Variants in PNO1 observed in about 807,000 individuals in gnomAD.
PNO1 encodes the protein RNA-binding protein PNO1.
A neutral mutation model predicts 28.4 loss-of-function variants in PNO1; 16 were observed. The observed-to-expected ratio is 0.56, with a 90% CI of 0.38 to 0.85. PNO1 has a LOEUF of 0.85. Among genes scored for constraint, PNO1 ranks in the 40% least tolerant of loss-of-function variants. PNO1 has a pLI of 0.00. For synonymous variants in PNO1, 115 were observed against 110.8 expected (o/e 1.04, Z -0.24); for missense variants, 304 against 312.2 (o/e 0.97, Z 0.20).
At chr2:68,168,792 G>A (rs1277350912) in intron 5 of PNO1, among the ~76,000 whole-genome samples, 2 of 152,024 alleles carry the variant, frequency 1.3e-5, no homozygotes, top group Non-Finnish European at 2.9e-5. Context: ...TAGCTGCAGT[G>A]ACAGCTTCAT....
At chr2:68,162,124 G>A (rs752447288) in intron 3 of PNO1, 141 bp from the exon 4 acceptor site, 41 of 628,508 alleles carry the variant, frequency 6.5e-5, no homozygotes, top group Admixed American at 1.9e-4. Context: ...GGGCGACAGC[G>A]TAAGACTCTG....
chr2:68,165,784 A>C lies in PNO1; in HGVS notation c.620+3121A>C, dbSNP rs112806251. Among the ~76,000 whole-genome samples the C allele has an allele frequency of 5.3e-4, 80 of 152,066 alleles. 1 individual carries two copies. Among genetic ancestry groups the C allele is most frequent in the African/African-American group, 1.8e-3 (74 of 41,308 alleles). ...TGGTAAATTTATAAGTATATTTGTA[A>C]GTGTTAACCTAAAATTTACTAGTTA... On this transcript the variant is annotated intron_variant, in intron 5 of 6. Transcript: ENST00000263657.
chr2:68,165,216 T>G (rs1199134070), intron 5 of PNO1, among the ~76,000 whole-genome samples: 7 of 151,182 alleles, frequency 4.6e-5, no homozygotes, highest in Non-Finnish European at 1.0e-4. Flanking sequence ...TACAAAAAAT[T>G]AGCCGGGCGT....
chr2:68,166,966 T>C (rs1447809105), intron 5 of PNO1, among the ~76,000 whole-genome samples: 1 of 152,172 alleles, frequency 6.6e-6, no homozygotes, highest in Non-Finnish European at 1.5e-5. Context: ...ACAGTCTCTT[T>C]CATGATTTCT....
Position 68,168,141 on chromosome 2 carries a change from T to C in PNO1, c.621-5206T>C, listed in dbSNP as rs77281654. On this transcript the variant is annotated intron_variant, in intron 5 of 6. Coordinates refer to ENST00000263657, the MANE Select transcript of PNO1 (RefSeq NM_020143.4). ...AGGAGGAAAGGATGAGACAGGAATT[T>C]ATGCTGAATGCGTTGGCCAAGTATA... Among the ~76,000 whole-genome samples, 896 of 152,338 alleles carry C rather than the reference T, an allele frequency of 5.9e-3. 5 individuals are homozygous for C. Among genetic ancestry groups the C allele is most frequent in the African/African-American group, 0.02 (840 of 41,576 alleles).
intron 5 of PNO1, among the ~76,000 whole-genome samples, chr2:68,167,588 T>C (rs1425388934): frequency 6.6e-6 from 1 of 152,208 alleles, no homozygotes; most frequent in Non-Finnish European, 1.5e-5. Flanking sequence ...TAAATCCTGG[T>C]GTTTGCTTCT....
chr2:68,171,285 T>G (rs1674125780), intron 5 of PNO1, among the ~76,000 whole-genome samples: 1 of 152,236 alleles, frequency 6.6e-6, no homozygotes, highest in African/African-American at 2.4e-5. Flanking sequence ...GAGAAATCTC[T>G]CCTGGAGATG....
At chr2:68,174,664 C>A in intron 6 of PNO1, 71 bp from the exon 7 acceptor site, 1 of 995,142 alleles carries the variant, frequency 1.0e-6, no homozygotes, top group Non-Finnish European at 1.6e-6. Context: ...CTTCCTTAGA[C>A]ACTGAGGGAC....
intron 5 of PNO1, among the ~76,000 whole-genome samples, chr2:68,165,014 T>C (rs1673937354): frequency 7.5e-6 from 1 of 132,682 alleles, no homozygotes; most frequent in Non-Finnish European, 1.6e-5. Flanking sequence ...AAAAAAAATC[T>C]TCGGTTAAAT....
chr2:68,161,590 C>A, intron 2 of PNO1, 93 bp from the exon 3 acceptor site: 1 of 804,490 alleles, frequency 1.2e-6, no homozygotes. Flanking sequence ...AGGAAATTCT[C>A]CAATAATGGG....
At chr2:68,168,697 G>A (rs1424921807) in intron 5 of PNO1, among the ~76,000 whole-genome samples, 1 of 152,130 alleles carries the variant, frequency 6.6e-6, no homozygotes, top group African/African-American at 2.4e-5. Flanking sequence ...GTTCTGTCTT[G>A]CCTGGGCGCC....
rs1673962272 is a variant in PNO1, at chr2:68,165,388, A to AC, written c.620+2725_620+2726insC. Among the ~76,000 whole-genome samples the AC allele has an allele frequency of 7.2e-5, 10 of 139,804 alleles. 1 individual carries two copies. The highest frequency in any genetic ancestry group is 2.6e-4 in the African/African-American group (9 of 34,590). 91.7% of individuals were successfully genotyped at this position (139,804 alleles called of 152,430 possible). Reference sequence around the variant, plus strand: ...CAAAAAAAAAAAAAAAACAACAAAAAAAAAAAAACTAGCTGGGTGTGGTGG... The same window carrying AC: ...CAAAAAAAAAAAAAAAACAACAAAAACAAAAAAAACTAGCTGGGTGTGGTGG... On this transcript the variant is annotated intron_variant, in intron 5 of 6. Transcript: ENST00000263657.
rs142073378 is a variant in PNO1 at position 68,161,688 on chromosome 2, T to C, written c.363T>C (p.Cys121=). Residue 121 remains cysteine (C), a synonymous_variant, in exon 3 of 7, where the codon TGT becomes TGC. Coordinates refer to ENST00000263657, the MANE Select transcript of PNO1 (RefSeq NM_020143.4). ...LKSRNVEIRT[C]KETKDVSALT... is the part of the protein sequence containing the mutation. ...CCTTTTTTGTTTTTTAACAGACTTG[T>C]AAAGAAACCAAGGATGTTAGTGCTC... The C allele has an allele frequency of 3.7e-6, 6 of 1,606,820 alleles. No individual in the cohort carries two copies. The highest frequency in any genetic ancestry group is 2.6e-6 in the Non-Finnish European group (3 of 1,173,964).
At chr2:68,160,826 C>T (rs1056511142) in intron 2 of PNO1, among the ~76,000 whole-genome samples, 2 of 152,186 alleles carry the variant, frequency 1.3e-5, no homozygotes, top group East Asian at 3.9e-4. Context: ...AGGATTGGAA[C>T]TAGGGTCTAG....
At chr2:68,173,576 A>ATTTTTTTTTTTTTTTTTTTTTTTTTT (rs34874863) in intron 6 of PNO1, among the ~76,000 whole-genome samples, 159 bp downstream of exon 6, 1 of 111,402 alleles carries the variant, frequency 9.0e-6, no homozygotes. Context: ...AGGAAGTAGA[A>ATTTTTTTTTTTTTTTTTTTTTTTTTT]TTTTTTTTTT....
rs538601059 is a variant in PNO1 at position 68,170,387 on chromosome 2, T to C, written c.621-2960T>C. On this transcript the variant is annotated intron_variant, in intron 5 of 6. Transcript: ENST00000263657. ...CTCCCATCTGTTCTTGTTGTCTTTA[T>C]TTCCTCATCTGTCATGCTCTGTTTT... is the stretch of plus-strand genomic sequence containing the variant. Among the ~76,000 whole-genome samples, 38 of 152,326 alleles carry C rather than the reference T, an allele frequency of 2.5e-4. No homozygotes were observed. The South Asian group carries it at 3.9e-3, about 16-fold the overall frequency.
Position 68,162,292 on chromosome 2 carries a change from G to A in PNO1, c.469G>A (p.Asp157Asn). 6.2e-7 allele frequency: 1 copy of A among 1,613,354 alleles called. No homozygotes were observed. The highest frequency in any genetic ancestry group is 8.5e-7 in the Non-Finnish European group (1 of 1,179,412). The stretch of plus-strand genomic sequence containing the variant: ...TGCACTTGCCCTCATCAGGTTGGAT[G>A]ACCTCTTCCTAGAGTCTTTTGAAAT... Reference protein sequence around the residue: ...EDALALIRLDDLFLESFEITD... With the variant: ...EDALALIRLDNLFLESFEITD... Residue 157 changes from aspartate to asparagine, a missense_variant, in exon 4 of 7, where the codon GAC (aspartate) becomes AAC (asparagine). Coordinates refer to ENST00000263657, the MANE Select transcript of PNO1 (RefSeq NM_020143.4).
In PNO1 at chr2:68,158,499, TAA is replaced by T; in HGVS notation, c.328_329del (p.Asn110LeufsTer12). 1 of 1,613,176 alleles carries T rather than the reference TAA, an allele frequency of 6.2e-7. No individual in the cohort carries two copies. Among genetic ancestry groups the T allele is most frequent in the South Asian group, 1.1e-5 (1 of 90,876 alleles). ...AACATTTGGGACTTCAGATACGCTT[TAA>T]CTTGAAATCAAGGAATGTAGAAATC... ...VEHLGLQIRF[N>X]LKSRNVEIRT... On this transcript the variant is annotated frameshift_variant, in exon 2 of 7. Coordinates refer to ENST00000263657, the MANE Select transcript of PNO1 (RefSeq NM_020143.4). LOFTEE classifies it high-confidence loss of function.
intron 2 of PNO1, among the ~76,000 whole-genome samples, chr2:68,160,152 G>A (rs190355694): frequency 1.3e-5 from 2 of 151,792 alleles, no homozygotes; most frequent in Non-Finnish European, 2.9e-5. Context: ...GTATTTTTTA[G>A]TAGAGACAGG....
Sources: allele counts gnomAD v4.1 joint callset (sites outside exome capture counted in the v4.1 genomes callset), GRCh38; gene constraint gnomAD v4.1.1; transcripts MANE v1.5; gene names NCBI Gene and HGNC (gene_info 2026-07-23, HGNC 2026-07-21).